The following UPP2 variants were observed in gnomAD, a reference collection of about 807,000 sequenced individuals.
UPP2 encodes the protein UPase 2.
Under a neutral mutation model 26.7 loss-of-function variants are expected in UPP2, and 23 were observed. That is an observed-to-expected ratio of 0.86 (90% CI 0.62 to 1.22). The LOEUF (loss-of-function observed/expected upper bound fraction) is 1.22. Among genes scored for constraint, UPP2 ranks in the 50% most tolerant of loss-of-function variants. The pLI is 0.00. For synonymous variants in UPP2, 127 were observed against 141.3 expected (o/e 0.90, Z 0.72); for missense variants, 387 against 396.7 (o/e 0.98, Z 0.21).
At chr2:158,080,636 C>A (rs1031813565) in intron 3 of UPP2, among the ~76,000 whole-genome samples, 2 of 152,174 alleles carry the variant, frequency 1.3e-5, no homozygotes, top group Non-Finnish European at 2.9e-5. Flanking sequence ...CCATAGTTAT[C>A]TTTCCCAGCT....
At chr2:158,065,648 G>A (rs1271523439) in intron 3 of UPP2, 8 of 577,528 alleles carry the variant, frequency 1.4e-5, no homozygotes, top group Non-Finnish European at 2.6e-5. Flanking sequence ...CAAATTCGTA[G>A]AGGAACTTAA....
intron 2 of UPP2, among the ~76,000 whole-genome samples, chr2:158,014,795 C>T (rs1448953853): frequency 6.6e-6 from 1 of 152,190 alleles, no homozygotes; most frequent in Non-Finnish European, 1.5e-5. Context: ...CATAACAAAA[C>T]ACCCAAATCA....
chr2:158,058,438 T>TGTGTGTGTGTGTGTGA (rs1245402156), intron 3 of UPP2, among the ~76,000 whole-genome samples: 1 of 150,494 alleles, frequency 6.6e-6, no homozygotes, highest in Non-Finnish European at 1.5e-5. Flanking sequence ...TGTGTGTGTG[T>TGTGTGTGTGTGTGTGA]GTGTGTGTGT....
Position 158,101,904 on chromosome 2 carries a change from A to T in UPP2, c.-160A>T. 7.4e-7 allele frequency: 1 copy of T among 1,353,386 alleles called. No homozygotes were observed. Among genetic ancestry groups the T allele is most frequent in the South Asian group, 2.1e-5 (1 of 47,684 alleles). 83.8% of individuals were successfully genotyped at this position (1,353,386 alleles called of 1,614,324 possible). ...GGAAAATTTAAAATGCTAAAGGAAAAATTTTCTTAGCAATTTCACAGGAAA... is the reference window on the plus strand; with the variant it reads ...GGAAAATTTAAAATGCTAAAGGAAATATTTTCTTAGCAATTTCACAGGAAA... On this transcript the variant is annotated 5_prime_UTR_variant, in exon 1 of 7. Coordinates refer to ENST00000005756, the MANE Select transcript of UPP2 (RefSeq NM_173355.4).
intron 6 of UPP2, among the ~76,000 whole-genome samples, chr2:158,124,930 T>G (rs1683660363): frequency 6.6e-6 from 1 of 152,148 alleles, no homozygotes; most frequent in Non-Finnish European, 1.5e-5. Context: ...TCGTTTGCAC[T>G]GGAGACATAA....
At chr2:158,119,789 C>T (rs1683520581) in intron 4 of UPP2, among the ~76,000 whole-genome samples, 1 of 151,778 alleles carries the variant, frequency 6.6e-6, no homozygotes, top group Admixed American at 6.6e-5. Context: ...GGCAGTGGAT[C>T]ACTTGAGGCC....
At chr2:158,097,774 G>C (rs200666283), upstream of UPP2, among the ~76,000 whole-genome samples, 3 of 152,126 alleles carry the variant, frequency 2.0e-5, no homozygotes, top group Admixed American at 1.3e-4. Context: ...AATTGTGGAG[G>C]GAAACACCCT....
intron 2 of UPP2, among the ~76,000 whole-genome samples, chr2:158,011,223 C>A (rs1359681944): frequency 6.6e-6 from 1 of 152,150 alleles, no homozygotes; most frequent in Non-Finnish European, 1.5e-5. Context: ...TAGGAAATAG[C>A]TTCAGAAGAA....
chr2:157,999,227 G>A (rs1036933097), intron 2 of UPP2, among the ~76,000 whole-genome samples: 3 of 152,142 alleles, frequency 2.0e-5, no homozygotes, highest in African/African-American at 7.2e-5. Context: ...TGCCCAGGCT[G>A]GAGTGCAATG....
In UPP2 at chr2:158,043,388, C is replaced by T. The variant is rs6710159; in HGVS notation, c.147+27502C>T. Among the ~76,000 whole-genome samples the T allele has an allele frequency of 4.8e-3, 726 of 151,382 alleles. 6 individuals are homozygous for T. Among genetic ancestry groups the T allele is most frequent in the African/African-American group, 0.016 (671 of 40,706 alleles). On this transcript the variant is annotated intron_variant, in intron 3 of 9. Coordinates refer to the UPP2 transcript ENST00000605860. ...AAGGGCATCAGGGGTTGACCAGAGT[C>T]CCATGACATCAGAAGTCAAGCCTGG... is the stretch of plus-strand genomic sequence containing the variant.
chr2:158,091,353 TA>T (rs766976386), intron 3 of UPP2, among the ~76,000 whole-genome samples: 51 of 152,332 alleles, frequency 3.3e-4, no homozygotes, highest in Non-Finnish European at 5.9e-4. Context: ...GAACTTCAGA[TA>T]GATCAACAAC....
intron 3 of UPP2, among the ~76,000 whole-genome samples, chr2:158,093,978 A>C (rs923615148): frequency 6.7e-6 from 1 of 149,998 alleles, no homozygotes; most frequent in Non-Finnish European, 1.5e-5. Context: ...ATTTATATAT[A>C]TATGCCATAT....
chr2:158,073,975 G>A (rs945000303), intron 3 of UPP2, among the ~76,000 whole-genome samples: 1 of 152,192 alleles, frequency 6.6e-6, no homozygotes, highest in South Asian at 2.1e-4. Context: ...GGAAGCTTGA[G>A]ACCAGCTTGG....
At chr2:158,053,525 G>C (rs918191705) in intron 3 of UPP2, among the ~76,000 whole-genome samples, 1 of 152,126 alleles carries the variant, frequency 6.6e-6, no homozygotes, top group Non-Finnish European at 1.5e-5. Flanking sequence ...GCCTAGCTCA[G>C]TACCATGTAC....
chr2:158,015,146 T>A (rs963446586), intron 2 of UPP2, among the ~76,000 whole-genome samples: 1 of 152,212 alleles, frequency 6.6e-6, no homozygotes, highest in African/African-American at 2.4e-5. Context: ...AGTTTAGTAG[T>A]GTTAAGTATA....
chr2:158,123,826 G>A lies in UPP2; in HGVS notation c.742G>A (p.Ala248Thr), dbSNP rs138801990. Residue 248 changes from alanine to threonine, a missense_variant, in exon 6 of 7, where the codon GCT becomes ACT. Ala to Thr is a moderately conservative substitution (Grantham distance 58). Transcript: ENST00000005756. Reference sequence around the variant, plus strand: ...AGACTACTTGAAGAGAGCATTTAAAGCTGGTGTCAGGAATATTGAAATGGA... The same window carrying A: ...AGACTACTTGAAGAGAGCATTTAAAACTGGTGTCAGGAATATTGAAATGGA... ...KLDYLKRAFK[A>T]GVRNIEMEST... is the part of the protein sequence containing the mutation. 2 of 1,614,092 alleles carry A rather than the reference G, an allele frequency of 1.2e-6. No homozygotes were observed. Among genetic ancestry groups the A allele is most frequent in the Non-Finnish European group, 1.7e-6 (2 of 1,179,946 alleles).
intron 2 of UPP2, among the ~76,000 whole-genome samples, chr2:158,014,351 C>T (rs1036390946): frequency 6.6e-6 from 1 of 152,172 alleles, no homozygotes. Context: ...CAAATACTCT[C>T]CAGAATCATT....
intron 3 of UPP2, among the ~76,000 whole-genome samples, chr2:158,090,242 C>T (rs1202824612): frequency 2.0e-5 from 3 of 152,142 alleles, no homozygotes; most frequent in Admixed American, 6.5e-5. Flanking sequence ...GTGGCTCACT[C>T]CTGTAATCCC....
At chr2:157,995,195 T>G (rs764644730) in exon 2 of UPP2, 1 of 1,613,704 alleles carries the variant, frequency 6.2e-7, no homozygotes, top group Non-Finnish European at 8.5e-7. Flanking sequence ...TCACCAGTGC[T>G]GCCATGCTGG....
Sources: allele counts gnomAD v4.1 joint callset (sites outside exome capture counted in the v4.1 genomes callset), GRCh38; gene constraint gnomAD v4.1.1; transcripts MANE v1.5; gene names NCBI Gene and HGNC (gene_info 2026-07-23, HGNC 2026-07-21).